WFDC5: variants seen among roughly 807,000 people sequenced by gnomAD.
The protein encoded by WFDC5 is WAP four-disulfide core domain protein 5.
Under a neutral mutation model 15.7 loss-of-function variants are expected in WFDC5, and 15 were observed. The observed-to-expected ratio is 0.96, with a 90% CI of 0.64 to 1.47. The LOEUF is 1.47. Ranked by LOEUF, WFDC5 falls within the 40% of genes most tolerant of loss-of-function variation. WFDC5 has a pLI of 0.00. For synonymous variants in WFDC5, 109 were observed against 107.7 expected (o/e 1.01, Z -0.07); for missense variants, 280 against 258.0 (o/e 1.09, Z -0.59).
intron 1 of WFDC5, among the ~76,000 whole-genome samples, chr20:45,114,660 C>A (rs896495914): frequency 6.6e-6 from 1 of 151,930 alleles, no homozygotes. Context: ...GACAAGCAGA[C>A]GCAAAGACAC....
exon 4 of WFDC5, chr20:45,109,682 T>C (rs899895237): frequency 1.4e-5 from 10 of 700,294 alleles, no homozygotes; most frequent in Admixed American, 2.0e-5. Flanking sequence ...TCTGCCTGAA[T>C]TGGGCATTTT....
At chr20:45,112,619 A>G (rs1470569262) in intron 1 of WFDC5, among the ~76,000 whole-genome samples, 1 of 152,128 alleles carries the variant, frequency 6.6e-6, no homozygotes, top group Non-Finnish European at 1.5e-5. Context: ...GTGTAGACTT[A>G]GAGAGCAAAA....
At chr20:45,115,277 T>G, upstream of WFDC5, 2 of 558,832 alleles carry the variant, frequency 3.6e-6, no homozygotes, top group South Asian at 5.1e-5. Flanking sequence ...GAAGATAGGG[T>G]GGCGGCACAT....
In WFDC5 at chr20:45,110,385, A is replaced by G. The variant is rs1434014487; in HGVS notation, c.382T>C (p.Cys128Arg). ...GAGAGGGGAGGCACCTGCCCTGGGC[A>G]CCCAGGAGCCGTACCTCTGGCAGGA... Residue 128 changes from cysteine to arginine, a missense_variant, in exon 3 of 4, where the codon TGC becomes CGC. Transcript: ENST00000307971. 2 of 1,588,180 alleles carry G rather than the reference A, an allele frequency of 1.3e-6. No homozygotes were observed. Among genetic ancestry groups the G allele is most frequent in the African/African-American group, 2.7e-5 (2 of 74,684 alleles).
chr20:45,116,259 A>G (rs942826692), upstream of WFDC5, among the ~76,000 whole-genome samples: 2 of 152,254 alleles, frequency 1.3e-5, no homozygotes, highest in African/African-American at 4.8e-5. Flanking sequence ...TAAGCTATTA[A>G]GATAGGAGAG....
intron 3 of WFDC5, 118 bp downstream of exon 3, chr20:45,110,282 G>A: frequency 3.4e-6 from 5 of 1,487,514 alleles, no homozygotes; most frequent in Non-Finnish European, 4.5e-6. Context: ...TCCTAATCCT[G>A]GCCATGGGAG....
chr20:45,110,718 T>C, exon 2 of WFDC5: 1 of 1,614,178 alleles, frequency 6.2e-7, no homozygotes, highest in Non-Finnish European at 8.5e-7. Context: ...TTCCACGCAC[T>C]GGTCAGGCAC....
At chr20:45,110,589 A>C in intron 2 of WFDC5, 46 bp downstream of exon 2, 1 of 1,614,060 alleles carries the variant, frequency 6.2e-7, no homozygotes, top group Non-Finnish European at 8.5e-7. Context: ...ACTGGCCCTG[A>C]AGCTTGGGGC....
At chr20:45,115,111 G>A (rs1389607123) in exon 1 of WFDC5, 1 of 1,605,272 alleles carries the variant, frequency 6.2e-7, no homozygotes, top group Non-Finnish European at 8.5e-7. Flanking sequence ...AGGGCCCAGG[G>A]CCCCCCAGAT....
At chr20:45,109,829 A>T in exon 4 of WFDC5, 1 of 866,468 alleles carries the variant, frequency 1.2e-6, no homozygotes, top group Non-Finnish European at 1.9e-6. Flanking sequence ...GACTCCCAGG[A>T]GGAGAAACCA....
chr20:45,110,548 A>C lies in WFDC5; in HGVS notation c.227-8T>G. The stretch of plus-strand genomic sequence containing the variant: ...GGCAGCTGCCCAGCTTCACTGCAAC[A>C]CAGGGAACTGGGTGAGCTCCGTCCT... On this transcript the variant is annotated splice_region_variant and splice_polypyrimidine_tract_variant and intron_variant, in intron 2 of 3. Transcript: ENST00000307971. The C allele has an allele frequency of 6.2e-7, 1 of 1,614,186 alleles. No homozygotes were observed. The highest frequency in any genetic ancestry group is 8.5e-7 in the Non-Finnish European group (1 of 1,180,006).
At chr20:45,114,145 G>T (rs1480563879) in intron 1 of WFDC5, among the ~76,000 whole-genome samples, 1 of 152,196 alleles carries the variant, frequency 6.6e-6, no homozygotes, top group Non-Finnish European at 1.5e-5. Flanking sequence ...GCCAACACAG[G>T]GTCCAGCCTT....
intron 1 of WFDC5, among the ~76,000 whole-genome samples, chr20:45,111,129 G>A (rs1981604819): frequency 6.6e-6 from 1 of 152,174 alleles, no homozygotes; most frequent in Admixed American, 6.5e-5. Context: ...CTCCAAGCCA[G>A]CTCTCTCTGC....
chr20:45,110,275 TA>T, intron 3 of WFDC5, 124 bp downstream of exon 3: 1 of 1,474,708 alleles, frequency 6.8e-7, no homozygotes, highest in Non-Finnish European at 9.1e-7. Flanking sequence ...TCCAGTTTCC[TA>T]ATCCTGGCCA....
At chr20:45,109,807 G>C in exon 4 of WFDC5, 2 of 764,330 alleles carry the variant, frequency 2.6e-6, no homozygotes, top group South Asian at 1.5e-5. Context: ...CCGAGCTCAG[G>C]CTATGGACTT....
At chr20:45,114,604 C>T (rs1306869405) in intron 1 of WFDC5, among the ~76,000 whole-genome samples, 3 of 152,110 alleles carry the variant, frequency 2.0e-5, no homozygotes, top group South Asian at 2.1e-4. Context: ...CAGACACATG[C>T]GTGCAGCCAT....
exon 3 of WFDC5, chr20:45,110,500 G>A (rs1981583362): frequency 1.2e-6 from 2 of 1,614,104 alleles, no homozygotes; most frequent in Admixed American, 1.7e-5. Flanking sequence ...TCATGGGGCT[G>A]AGGCAGCGCA....
At chr20:45,110,817 C>T (rs756505386) in intron 1 of WFDC5, 42 bp from the exon 2 acceptor site, 4 of 1,610,598 alleles carry the variant, frequency 2.5e-6, no homozygotes, top group African/African-American at 2.7e-5. Context: ...AGGAAGCTCA[C>T]GGTTATGTAA....
Position 45,110,544 on chromosome 20 carries a change from C to G in WFDC5, c.227-4G>C. 6.2e-7 allele frequency: 1 copy of G among 1,614,180 alleles called. No individual in the cohort carries two copies. The highest frequency in any genetic ancestry group is 8.5e-7 in the Non-Finnish European group (1 of 1,180,008). On this transcript the variant is annotated splice_region_variant and splice_polypyrimidine_tract_variant and intron_variant, in intron 2 of 3. Coordinates refer to ENST00000307971, the Ensembl canonical transcript of WFDC5. ...TCTGGGCAGCTGCCCAGCTTCACTG[C>G]AACACAGGGAACTGGGTGAGCTCCG...
Sources: gnomAD v4.1 joint callset for allele counts (sites outside exome capture counted in the v4.1 genomes callset) on GRCh38, gnomAD v4.1.1 for gene constraint, MANE v1.5 for transcripts, NCBI Gene and HGNC (gene_info 2026-07-23, HGNC 2026-07-21) for gene names.